Variants in PAPSS1 observed in about 807,000 individuals in gnomAD.
PAPSS1 encodes 3'-phosphoadenosine 5'-phosphosulfate synthase 1.
A neutral mutation model predicts 72.0 loss-of-function variants in PAPSS1; 50 were observed. The ratio of observed to expected loss-of-function variants is 0.69; its 90% confidence interval spans 0.55 to 0.88. PAPSS1 has a LOEUF of 0.88. PAPSS1 is among the 40% of genes least tolerant of loss of function. PAPSS1 has a pLI of 0.00. For missense variants in PAPSS1, 657 were observed against 782.2 expected (o/e 0.84, Z 1.91); for synonymous variants, 261 against 263.6 (o/e 0.99, Z 0.09).
chr4:107,651,592 G>A (rs1442488096), intron 9 of PAPSS1, among the ~76,000 whole-genome samples: 1 of 152,178 alleles, frequency 6.6e-6, no homozygotes. Flanking sequence ...CATGGTGGCA[G>A]GAGAGAGAAT....
chr4:107,681,983 C>T, intron 5 of PAPSS1, 32 bp downstream of exon 5: 1 of 1,066,806 alleles, frequency 9.4e-7, no homozygotes, highest in Non-Finnish European at 1.4e-6. Flanking sequence ...TATAATTTTT[C>T]TCTGATGATT....
chr4:107,720,046 AGGC>A, intron 1 of PAPSS1, 71 bp downstream of exon 1: 1 of 1,502,760 alleles, frequency 6.7e-7, no homozygotes, highest in Non-Finnish European at 8.8e-7. Flanking sequence ...GGCGGGAGAG[AGGC>A]GGCGGCTCCG....
chr4:107,688,316 C>A (rs564397477), intron 3 of PAPSS1, among the ~76,000 whole-genome samples: 10 of 152,132 alleles, frequency 6.6e-5, no homozygotes, highest in African/African-American at 2.4e-4. Flanking sequence ...TGGTGTAGCA[C>A]GCTTATAGTC....
At chr4:107,681,479 G>A (rs1226983422) in intron 5 of PAPSS1, among the ~76,000 whole-genome samples, 1 of 152,086 alleles carries the variant, frequency 6.6e-6, no homozygotes, top group Non-Finnish European at 1.5e-5. Context: ...TTGTTAGTGG[G>A]CCTGAGTACC....
intron 10 of PAPSS1, among the ~76,000 whole-genome samples, chr4:107,634,628 T>G (rs895990286): frequency 6.6e-6 from 1 of 152,122 alleles, no homozygotes. Flanking sequence ...AGCTCATATT[T>G]TACCTAATTT....
chr4:107,655,434 A>T (rs1030996894), intron 7 of PAPSS1, among the ~76,000 whole-genome samples: 2 of 152,234 alleles, frequency 1.3e-5, no homozygotes, highest in Admixed American at 6.5e-5. Context: ...AAATACAGTC[A>T]AATTCAAACT....
intron 9 of PAPSS1, among the ~76,000 whole-genome samples, chr4:107,651,637 CCAT>C (rs1726842161): frequency 6.6e-6 from 1 of 152,096 alleles, no homozygotes. Context: ...CCTTATAAAA[CCAT>C]CACACCTTGT....
chr4:107,680,616 G>A (rs1727780527), intron 5 of PAPSS1, among the ~76,000 whole-genome samples: 1 of 152,144 alleles, frequency 6.6e-6, no homozygotes, highest in Admixed American at 6.5e-5. Context: ...AATCCCTCAA[G>A]GATGGAGGCA....
At chr4:107,621,256 A>G (rs1356301203) in intron 11 of PAPSS1, among the ~76,000 whole-genome samples, 5 of 152,196 alleles carry the variant, frequency 3.3e-5, no homozygotes, top group Admixed American at 3.3e-4. Context: ...ACTGACAAAG[A>G]GCCATTAAAA....
intron 9 of PAPSS1, among the ~76,000 whole-genome samples, chr4:107,652,952 T>C (rs900718678): frequency 1.3e-5 from 2 of 152,060 alleles, no homozygotes; most frequent in African/African-American, 2.4e-5. Context: ...GATACAATGG[T>C]CATGTATCAT....
At chr4:107,620,276 G>A (rs1227010769) in intron 11 of PAPSS1, among the ~76,000 whole-genome samples, 1 of 152,140 alleles carries the variant, frequency 6.6e-6, no homozygotes, top group African/African-American at 2.4e-5. Flanking sequence ...TTGAAAGCGG[G>A]TTACATCAAA....
rs113685691 is a variant in PAPSS1, at chr4:107,675,870, C to T, written c.669+6145G>A. Among the ~76,000 whole-genome samples the T allele has an allele frequency of 6.7e-3, 1,023 of 152,282 alleles. 11 individuals are homozygous for T. Among genetic ancestry groups the T allele is most frequent in the African/African-American group, 0.022 (912 of 41,542 alleles). On this transcript the variant is annotated intron_variant, in intron 5 of 11. Coordinates refer to ENST00000265174, the MANE Select transcript of PAPSS1 (RefSeq NM_005443.5). ...TCAGCTTCATCCCTGGGATGCAAGG[C>T]TGGTTCAACATACACAAATCAATAA... is the stretch of plus-strand genomic sequence containing the variant.
Position 107,654,815 on chromosome 4 carries a change from A to G in PAPSS1, c.981T>C (p.Ala327=). Residue 327 remains alanine (A), a synonymous_variant, in exon 8 of 12, where the codon GCT becomes GCC. Transcript: ENST00000265174. ...KERLDGCTAF[A]LMYEGRRVAI... ...CCACACGGCGGCCCTCATACATCAG[A>G]GCAAATGCTGTACAGCCGTCCAGCC... 6.2e-7 allele frequency: 1 copy of G among 1,613,996 alleles called. No homozygotes were observed. The highest frequency in any genetic ancestry group is 8.5e-7 in the Non-Finnish European group (1 of 1,179,892).
chr4:107,646,220 T>C (rs1343898134), intron 9 of PAPSS1, among the ~76,000 whole-genome samples: 1 of 152,026 alleles, frequency 6.6e-6, no homozygotes, highest in Non-Finnish European at 1.5e-5. Flanking sequence ...TCCTTCTCAA[T>C]GTACTTCAAA....
chr4:107,698,023 C>A (rs1723113749), intron 2 of PAPSS1, among the ~76,000 whole-genome samples: 1 of 152,162 alleles, frequency 6.6e-6, no homozygotes, highest in South Asian at 2.1e-4. Flanking sequence ...CCAACCTCAC[C>A]ACAAACTTAA....
intron 10 of PAPSS1, among the ~76,000 whole-genome samples, chr4:107,641,502 T>C: frequency 6.6e-6 from 1 of 152,232 alleles, no homozygotes; most frequent in East Asian, 1.9e-4. Context: ...TGTACAGCTC[T>C]GGTCTTCTTT....
At chr4:107,623,980 G>A (rs992559893) in intron 11 of PAPSS1, among the ~76,000 whole-genome samples, 7 of 152,050 alleles carry the variant, frequency 4.6e-5, no homozygotes, top group Non-Finnish European at 8.8e-5. Context: ...CTCTTTACCA[G>A]AAACCCAAAT....
intron 9 of PAPSS1, among the ~76,000 whole-genome samples, chr4:107,651,499 T>C (rs1297963192): frequency 1.3e-5 from 2 of 152,178 alleles, no homozygotes; most frequent in Non-Finnish European, 2.9e-5. Flanking sequence ...AGAGGTTTAA[T>C]TGACTCACAG....
At chr4:107,643,778 C>T (rs920659633) in intron 10 of PAPSS1, among the ~76,000 whole-genome samples, 2 of 152,132 alleles carry the variant, frequency 1.3e-5, no homozygotes, top group Non-Finnish European at 2.9e-5. Flanking sequence ...GGGAAAAATT[C>T]ATTTACTTGC....
Sources: gnomAD v4.1 joint callset for allele counts (sites outside exome capture counted in the v4.1 genomes callset) on GRCh38, gnomAD v4.1.1 for gene constraint, MANE v1.5 for transcripts, NCBI Gene and HGNC (gene_info 2026-07-23, HGNC 2026-07-21) for gene names.